The following SNX29 variants were observed in gnomAD, a reference collection of about 807,000 sequenced individuals.
SNX29 encodes sorting nexin 29.
Under a neutral mutation model 102.1 loss-of-function variants are expected in SNX29, and 78 were observed. That is an observed-to-expected ratio of 0.76 (90% CI 0.64 to 0.92). The LOEUF is 0.92. Ranked by LOEUF, SNX29 falls within the 40% of genes least tolerant of loss-of-function variation. The pLI, the probability that SNX29 is intolerant of heterozygous loss-of-function variation, is 0.00. For missense variants in SNX29, 1,280 were observed against 1,061.7 expected (o/e 1.21, Z -2.86); for synonymous variants, 580 against 414.5 (o/e 1.40, Z -4.85).
intron 20 of SNX29, among the ~76,000 whole-genome samples, chr16:12,560,513 C>T (rs1400448207): frequency 3.9e-5 from 6 of 152,284 alleles, no homozygotes; most frequent in African/African-American, 1.2e-4. Flanking sequence ...CTGTCCTGCC[C>T]TCCACCTTCC....
intron 13 of SNX29, among the ~76,000 whole-genome samples, chr16:12,155,309 T>A (rs1355773097): frequency 1.3e-5 from 2 of 152,116 alleles, no homozygotes; most frequent in African/African-American, 2.4e-5. Context: ...GATAGAAAAA[T>A]CCTGTGTTAA....
intron 20 of SNX29, among the ~76,000 whole-genome samples, chr16:12,544,541 T>C (rs367670811): frequency 2.2e-3 from 342 of 152,308 alleles, no homozygotes; most frequent in Non-Finnish European, 3.2e-3. Context: ...CCTAGGAACA[T>C]TCTCTGGAAT....
chr16:12,358,138 G>A lies in SNX29; in HGVS notation c.1899+1859G>A, dbSNP rs73508044. Among the ~76,000 whole-genome samples the A allele has an allele frequency of 2.4e-4, 37 of 152,224 alleles. 1 individual carries two copies. The highest frequency in any genetic ancestry group is 4.8e-5 in the African/African-American group (2 of 41,516). ...AAATTGCGGCGTTTTAGTGTATGGCGTCTTAAACTTTACTGAGTTTTGCCA... is the reference window on the plus strand; with the variant it reads ...AAATTGCGGCGTTTTAGTGTATGGCATCTTAAACTTTACTGAGTTTTGCCA... On this transcript the variant is annotated intron_variant, in intron 16 of 20. Transcript: ENST00000566228.
At chr16:12,311,577 G>C (rs1009962152) in intron 15 of SNX29, among the ~76,000 whole-genome samples, 1 of 152,236 alleles carries the variant, frequency 6.6e-6, no homozygotes, top group Non-Finnish European at 1.5e-5. Flanking sequence ...CCGATGGCCC[G>C]TCCGCCTTTA....
chr16:12,012,407 T>A (rs986631330), intron 3 of SNX29, among the ~76,000 whole-genome samples: 1 of 152,116 alleles, frequency 6.6e-6, no homozygotes, highest in Admixed American at 6.6e-5. Context: ...AGTATTTCTT[T>A]TGTTTATTTT....
Position 12,271,186 on chromosome 16 carries a change from A to G in SNX29, c.1679-6747A>G, listed in dbSNP as rs538346602. Among the ~76,000 whole-genome samples, 21 of 152,374 alleles carry G rather than the reference A, an allele frequency of 1.4e-4. No homozygotes were observed. In the South Asian group the frequency reaches 4.3e-3, roughly 32 times the overall value. The stretch of plus-strand genomic sequence containing the variant: ...CAAACATTTACAATCTTTGTGTGGG[A>G]TAGACAGCCTGGGTGTGGCTTAGCC... On this transcript the variant is annotated intron_variant, in intron 14 of 20. Coordinates refer to ENST00000566228, the MANE Select transcript of SNX29 (RefSeq NM_032167.5).
At chr16:12,489,946 T>C (rs1228902712) in intron 19 of SNX29, among the ~76,000 whole-genome samples, 1 of 152,074 alleles carries the variant, frequency 6.6e-6, no homozygotes, top group Non-Finnish European at 1.5e-5. Flanking sequence ...GCTGGGACTA[T>C]AGGCATGCAC....
chr16:12,175,870 A>G (rs1345270627), intron 13 of SNX29, among the ~76,000 whole-genome samples: 3 of 152,038 alleles, frequency 2.0e-5, no homozygotes. Flanking sequence ...AAAATTAGCC[A>G]TGGACTACCC....
intron 19 of SNX29, among the ~76,000 whole-genome samples, chr16:12,500,015 A>G (rs1294264104): frequency 6.6e-6 from 1 of 151,798 alleles, no homozygotes; most frequent in Admixed American, 6.6e-5. Context: ...TTTTACAGAT[A>G]GGATCTTGCA....
chr16:12,568,928 G>A lies in SNX29; in HGVS notation c.*299G>A. On this transcript the variant is annotated 3_prime_UTR_variant, in exon 21 of 21. Transcript: ENST00000566228. ...GTTCCTCCACCTTTCTGTAGTTCAGGGCTGGCAGGAGGGTGGGCACCAGGT... is the reference window on the plus strand; with the variant it reads ...GTTCCTCCACCTTTCTGTAGTTCAGAGCTGGCAGGAGGGTGGGCACCAGGT... 2.4e-6 allele frequency: 1 copy of A among 417,950 alleles called. No individual in the cohort carries two copies. Among genetic ancestry groups the A allele is most frequent in the Non-Finnish European group, 4.3e-6 (1 of 235,056 alleles). The allele number at this position is 417,950 out of a possible 1,614,324, so 25.9% of individuals were successfully genotyped here. A position where few individuals can be genotyped will look rare whatever the true frequency, so the allele number is the denominator to read the frequency against.
intron 20 of SNX29, among the ~76,000 whole-genome samples, chr16:12,550,152 C>G (rs554650112): frequency 5.3e-5 from 8 of 152,198 alleles, no homozygotes; most frequent in Admixed American, 5.2e-4. Flanking sequence ...TTCCATACCG[C>G]ATGTAGTGAT....
intron 15 of SNX29, among the ~76,000 whole-genome samples, chr16:12,307,644 A>G (rs931320275): frequency 6.6e-6 from 1 of 152,242 alleles, no homozygotes; most frequent in Non-Finnish European, 1.5e-5. Context: ...GAGGCTACAC[A>G]GGGTCATGAA....
intron 20 of SNX29, among the ~76,000 whole-genome samples, chr16:12,555,435 A>G (rs1045861507): frequency 6.6e-6 from 1 of 151,892 alleles, no homozygotes; most frequent in African/African-American, 2.4e-5. Flanking sequence ...TGTAGGAGAC[A>G]CTCATGTACG....
intron 20 of SNX29, among the ~76,000 whole-genome samples, chr16:12,555,827 C>G (rs1598001558): frequency 6.6e-6 from 1 of 152,232 alleles, no homozygotes; most frequent in African/African-American, 2.4e-5. Context: ...GGTGCTCCAG[C>G]TGACTGACCA....
chr16:12,564,247 A>C (rs552710066), intron 20 of SNX29, among the ~76,000 whole-genome samples: 1 of 152,148 alleles, frequency 6.6e-6, no homozygotes, highest in Non-Finnish European at 1.5e-5. Context: ...ATCTCTACTC[A>C]GTTCCTTTGG....
Position 12,571,872 on chromosome 16 carries a change from A to G in SNX29, c.*3243A>G, listed in dbSNP as rs1567230527. On this transcript the variant is annotated 3_prime_UTR_variant, in exon 21 of 21. Transcript: ENST00000566228. ...TCACGTTGCTGGCAAGGCATTTTAG[A>G]GTTTGGAGCTGAGGTTCAAAGCCCC... 9.4e-7 allele frequency: 1 copy of G among 1,061,484 alleles called. No individual in the cohort carries two copies. The highest frequency in any genetic ancestry group is 1.1e-6 in the Non-Finnish European group (1 of 876,864). The allele number at this position is 1,061,484 out of a possible 1,614,324, so 65.8% of individuals were successfully genotyped here.
chr16:12,456,896 C>T lies in SNX29; in HGVS notation c.2038-20823C>T, dbSNP rs192490429. The stretch of plus-strand genomic sequence containing the variant: ...GCACCCTCTGAACTCCCAGAAGGCC[C>T]GGGGCATTAGCATCTTGTCTGCCGA... On this transcript the variant is annotated intron_variant, in intron 18 of 20. Coordinates refer to ENST00000566228, the MANE Select transcript of SNX29 (RefSeq NM_032167.5). 5.9e-5 allele frequency among the ~76,000 whole-genome samples: 9 copies of T among 152,162 alleles called. No homozygotes were observed. In the South Asian group the frequency reaches 1.0e-3, roughly 18 times the overall value.
rs766283425 is a variant in SNX29 at position 12,568,542 on chromosome 16, G to A, written c.2355G>A (p.Arg785=). The stretch of plus-strand genomic sequence containing the variant: ...CGCCCGGAGAGCCTGTGAACAGCCG[G>A]CCCAAAGCAGCTTCCCGCTTCCCCA... ...ITPPGEPVNS[R]PKAASRFPKL... Residue 785 remains arginine, a synonymous_variant, in exon 21 of 21, where the codon CGG becomes CGA. Transcript: ENST00000566228. 101 of 1,609,376 alleles carry A rather than the reference G, an allele frequency of 6.3e-5. No individual in the cohort carries two copies. Among genetic ancestry groups the A allele is most frequent in the Non-Finnish European group, 7.9e-5 (93 of 1,179,856 alleles).
At chr16:12,190,573 G>A (rs1028120531) in intron 13 of SNX29, among the ~76,000 whole-genome samples, 1 of 152,178 alleles carries the variant, frequency 6.6e-6, no homozygotes, top group Non-Finnish European at 1.5e-5. Flanking sequence ...GTTCACCAGG[G>A]GCCTGGGGCA....
Sources: gnomAD v4.1 joint callset for allele counts (sites outside exome capture counted in the v4.1 genomes callset) on GRCh38, gnomAD v4.1.1 for gene constraint, MANE v1.5 for transcripts, NCBI Gene and HGNC (gene_info 2026-07-23, HGNC 2026-07-21) for gene names.